The following EIF2AK2 variants were observed in gnomAD, a reference collection of about 807,000 sequenced individuals.
The protein encoded by EIF2AK2 is eukaryotic translation initiation factor 2 alpha kinase 2, also known as interferon-induced, double-stranded RNA-activated protein kinase.
In EIF2AK2, 40 loss-of-function variants were observed where a neutral mutation model predicts 70.5. The observed-to-expected ratio is 0.57, with a 90% CI of 0.44 to 0.74. EIF2AK2 has a LOEUF of 0.74. EIF2AK2 is among the 30% of genes least tolerant of loss of function. The pLI, the probability that EIF2AK2 is intolerant of heterozygous loss-of-function variation, is 0.00. For missense variants in EIF2AK2, 555 were observed against 644.3 expected, an observed-to-expected ratio of 0.86 and a Z score of 1.50; for synonymous variants, 198 against 220.9, an observed-to-expected ratio of 0.90 and a Z score of 0.92.
At chr2:37,123,056 T>C (rs1674610989) in intron 11 of EIF2AK2, among the ~76,000 whole-genome samples, 2 of 151,938 alleles carry the variant, frequency 1.3e-5, no homozygotes, top group African/African-American at 4.8e-5. Flanking sequence ...TAATCCCAGC[T>C]ACTTGGGAGG....
chr2:37,117,926 C>G (rs1674401553), intron 13 of EIF2AK2, among the ~76,000 whole-genome samples: 1 of 152,182 alleles, frequency 6.6e-6, no homozygotes, highest in Non-Finnish European at 1.5e-5. Flanking sequence ...AATTGTACAC[C>G]TTCATTGTAT....
chr2:37,148,482 C>A (rs538340046), intron 2 of EIF2AK2: 14 of 531,294 alleles, frequency 2.6e-5, no homozygotes, highest in African/African-American at 1.4e-4. Context: ...AGCCCGTGAC[C>A]TAGATCTCTA....
intron 4 of EIF2AK2, among the ~76,000 whole-genome samples, chr2:37,142,140 A>C (rs1202062885): frequency 6.8e-6 from 1 of 146,722 alleles, no homozygotes. Flanking sequence ...ATATTTTTTT[A>C]ATTTTTTTCA....
chr2:37,118,619 C>A (rs1459246402), intron 13 of EIF2AK2, among the ~76,000 whole-genome samples: 1 of 152,210 alleles, frequency 6.6e-6, no homozygotes, highest in Non-Finnish European at 1.5e-5. Context: ...AAAGTGAAAG[C>A]ATAACCAACT....
intron 12 of EIF2AK2, 90 bp downstream of exon 12, chr2:37,122,413 GTGA>G (rs1674587643): frequency 7.8e-7 from 1 of 1,286,098 alleles, no homozygotes; most frequent in Non-Finnish European, 1.1e-6. Context: ...ATAATTAATC[GTGA>G]TGATTAATAG....
At chr2:37,125,557 A>G (rs1420252731) in intron 11 of EIF2AK2, among the ~76,000 whole-genome samples, 2 of 152,200 alleles carry the variant, frequency 1.3e-5, no homozygotes, top group Non-Finnish European at 2.9e-5. Flanking sequence ...AAGAAGCCCA[A>G]TCCCCATAGG....
chr2:37,121,035 G>T lies in EIF2AK2; in HGVS notation c.1068-896C>A, dbSNP rs1327948274. ...TCCCAGCACTTTGGGAGGCCGAGGCGGGTGGATCACGAGGTCAGGAGATCA... is the reference window on the plus strand; with the variant it reads ...TCCCAGCACTTTGGGAGGCCGAGGCTGGTGGATCACGAGGTCAGGAGATCA... On this transcript the variant is annotated intron_variant, in intron 12 of 16. Coordinates refer to ENST00000233057, the MANE Select transcript of EIF2AK2 (RefSeq NM_001135651.3). Among the ~76,000 whole-genome samples the T allele has an allele frequency of 4.7e-5, 7 of 148,478 alleles. 1 individual carries two copies. The highest frequency in any genetic ancestry group is 1.4e-4 in the Admixed American group (2 of 14,596).
intron 11 of EIF2AK2, 66 bp downstream of exon 11, chr2:37,126,223 T>TA: frequency 1.3e-6 from 2 of 1,481,934 alleles, no homozygotes; most frequent in South Asian, 1.5e-5. Context: ...GAGAGAAGCA[T>TA]AAAAAAGAAT....
chr2:37,136,041 C>T (rs535731051), intron 9 of EIF2AK2, among the ~76,000 whole-genome samples: 11 of 152,176 alleles, frequency 7.2e-5, no homozygotes, highest in African/African-American at 1.9e-4. Context: ...ATTGTTGATG[C>T]GTCACTAACC....
At chr2:37,149,182 T>C (rs1675658957) in intron 1 of EIF2AK2, 159 bp from the exon 2 acceptor site, 3 of 1,076,284 alleles carry the variant, frequency 2.8e-6, no homozygotes, top group African/African-American at 1.5e-5. Flanking sequence ...GATGTTTCTA[T>C]GCTTGTCGTG....
At chr2:37,139,483 G>T (rs1379323616) in intron 6 of EIF2AK2, 148 bp downstream of exon 6, 4 of 1,170,218 alleles carry the variant, frequency 3.4e-6, no homozygotes, top group Non-Finnish European at 2.4e-6. Flanking sequence ...TGGCCCCATG[G>T]TGCATGGCTC....
chr2:37,120,078 A>T lies in EIF2AK2; in HGVS notation c.1129T>A (p.Trp377Arg), dbSNP rs765503875. Reference sequence around the variant, plus strand: ...TTCTCGCCTCTTCTTTTTTCAATCCATTGTTCCAAGGTCCCTTTATCACAG... The same window carrying T: ...TTCTCGCCTCTTCTTTTTTCAATCCTTTGTTCCAAGGTCCCTTTATCACAG... ...EFCDKGTLEQ[W>R]IEKRRGEKLD... is the part of the protein sequence containing the mutation. Residue 377 changes from tryptophan (W) to arginine (R), a missense_variant, in exon 13 of 17, where the codon TGG becomes AGG. Transcript: ENST00000233057. 1 of 1,531,636 alleles carries T rather than the reference A, an allele frequency of 6.5e-7. No homozygotes were observed. The highest frequency in any genetic ancestry group is 1.9e-5 in the Admixed American group (1 of 54,048). 94.9% of individuals were successfully genotyped at this position (1,531,636 alleles called of 1,614,324 possible).
Position 37,126,366 on chromosome 2 carries a change from T to C in EIF2AK2, c.831A>G (p.Gly277=), listed in dbSNP as rs1346456668. 1 of 1,612,668 alleles carries C rather than the reference T, an allele frequency of 6.2e-7. No individual in the cohort carries two copies. The highest frequency in any genetic ancestry group is 8.5e-7 in the Non-Finnish European group (1 of 1,179,514). Residue 277 remains glycine (G), a synonymous_variant, in exon 11 of 17, where the codon GGA becomes GGG. Transcript: ENST00000233057. The part of the protein sequence containing the change: ...FKEIELIGSG[G]FGQVFKAKHR... ...GTTTTGCTTTGAAAACTTGGCCAAA[T>C]CCACCTGAGCCAATTAATTCTATTT...
chr2:37,137,873 G>A (rs1675182517), intron 8 of EIF2AK2, among the ~76,000 whole-genome samples: 1 of 152,140 alleles, frequency 6.6e-6, no homozygotes, highest in African/African-American at 2.4e-5. Context: ...AGCACTTGGG[G>A]AGGCCGAGGT....
Position 37,138,213 on chromosome 2 carries a change from T to A in EIF2AK2, c.687+57A>T, listed in dbSNP as rs539270938. ...TGGAATACTGGAAGTTATTTTTAAA[T>A]GAGGAAACGCACAGAAAAATAAGAT... On this transcript the variant is annotated intron_variant, in intron 8 of 16. Coordinates refer to ENST00000233057, the MANE Select transcript of EIF2AK2 (RefSeq NM_001135651.3). The A allele has an allele frequency of 1.4e-4, 189 of 1,341,764 alleles. 2 individuals carry two copies. The highest frequency in any genetic ancestry group is 2.2e-5 in the Non-Finnish European group (21 of 964,738). 83.1% of individuals were successfully genotyped at this position (1,341,764 alleles called of 1,614,324 possible).
intron 12 of EIF2AK2, among the ~76,000 whole-genome samples, chr2:37,121,934 C>G (rs1011118963): frequency 2.6e-5 from 4 of 152,146 alleles, no homozygotes; most frequent in African/African-American, 9.7e-5. Flanking sequence ...GATGCCAGCT[C>G]TTTAGGATCT....
chr2:37,104,192 T>A lies in EIF2AK2; in HGVS notation c.*3081A>T, dbSNP rs1382743100. 1 of 151,920 alleles carries A rather than the reference T, an allele frequency of 6.6e-6. No individual in the cohort carries two copies. Among genetic ancestry groups the A allele is most frequent in the African/African-American group, 2.4e-5 (1 of 41,354 alleles). The allele number at this position is 151,920 out of a possible 1,614,324, so 9.4% of individuals were successfully genotyped here. ...TAAAACAAAACAAAAAGACATTTTC[T>A]ACATATACTATTATCACACCTGAGA... On this transcript the variant is annotated 3_prime_UTR_variant, in exon 17 of 17. Coordinates refer to ENST00000233057, the MANE Select transcript of EIF2AK2 (RefSeq NM_001135651.3).
chr2:37,138,626 A>G (rs1386274416), intron 6 of EIF2AK2, 41 bp from the exon 7 acceptor site: 1 of 1,571,650 alleles, frequency 6.4e-7, no homozygotes, highest in South Asian at 1.1e-5. Flanking sequence ...AAATACAACT[A>G]ATTATTTCTC....
chr2:37,137,095 A>G (rs545717846), intron 8 of EIF2AK2, 78 bp from the exon 9 acceptor site: 34 of 1,282,954 alleles, frequency 2.7e-5, no homozygotes, highest in African/African-American at 2.1e-4. Flanking sequence ...TTCCTCCTGT[A>G]TATCTAGATG....
Sources: allele counts gnomAD v4.1 joint callset (sites outside exome capture counted in the v4.1 genomes callset), GRCh38; gene constraint gnomAD v4.1.1; transcripts MANE v1.5; gene names NCBI Gene and HGNC (gene_info 2026-07-23, HGNC 2026-07-21).